CCDC152: variants seen among roughly 807,000 people sequenced by gnomAD.
CCDC152 encodes coiled-coil domain containing 152, also known as coiled-coil domain-containing protein 152.
A neutral mutation model predicts 38.1 loss-of-function variants in CCDC152; 37 were observed. The ratio of observed to expected loss-of-function variants is 0.97; its 90% CI spans 0.75 to 1.28. The LOEUF (loss-of-function observed/expected upper bound fraction) is 1.28, where lower values mean the gene tolerates loss of function less well. CCDC152 is among the 50% of genes most tolerant of loss of function. The probability of loss-of-function intolerance (pLI) is 0.00; values close to 1 mark genes in which losing one functional copy is unlikely to be tolerated. For synonymous variants in CCDC152, 83 were observed against 87.1 expected, an observed-to-expected ratio of 0.95 and a Z score of 0.26; for missense variants, 259 against 292.1, an observed-to-expected ratio of 0.89 and a Z score of 0.83.
Position 42,801,035 on chromosome 5 carries a change from A to T in CCDC152, c.*1254A>T, listed in dbSNP as rs775215021. On this transcript the variant is annotated 3_prime_UTR_variant, in exon 9 of 9. Coordinates refer to ENST00000361970, the MANE Select transcript of CCDC152 (RefSeq NM_001134848.2). ...GTAATTGATTTATACATCTCTTTCGACAGAGCTTCTTTTGTAAATCTTGTA... is the reference window on the plus strand; with the variant it reads ...GTAATTGATTTATACATCTCTTTCGTCAGAGCTTCTTTTGTAAATCTTGTA... 30 of 1,614,098 alleles carry T rather than the reference A, an allele frequency of 1.9e-5. 1 individual carries two copies. The highest frequency in any genetic ancestry group is 2.1e-5 in the Non-Finnish European group (25 of 1,180,040).
chr5:42,779,949 T>C (rs1187857215), intron 5 of CCDC152, among the ~76,000 whole-genome samples: 1 of 152,148 alleles, frequency 6.6e-6, no homozygotes, highest in Admixed American at 6.5e-5. Flanking sequence ...ACAGGGGGCA[T>C]TTCATGTGGA....
At chr5:42,789,979 A>T (rs1167909971) in intron 6 of CCDC152, among the ~76,000 whole-genome samples, 1 of 152,238 alleles carries the variant, frequency 6.6e-6, no homozygotes. Context: ...TCTAAATTGG[A>T]CTTCGTCAAA....
intron 6 of CCDC152, among the ~76,000 whole-genome samples, chr5:42,785,456 A>T: frequency 6.6e-6 from 1 of 152,112 alleles, no homozygotes; most frequent in East Asian, 1.9e-4. Context: ...TTGTATCCTG[A>T]AATTTTACTG....
At chr5:42,764,116 A>T (rs1430918365) in intron 3 of CCDC152, among the ~76,000 whole-genome samples, 1 of 152,130 alleles carries the variant, frequency 6.6e-6, no homozygotes, top group Non-Finnish European at 1.5e-5. Context: ...ATCCACTATT[A>T]TTAACTAAAT....
intron 6 of CCDC152, among the ~76,000 whole-genome samples, chr5:42,786,591 TG>T: frequency 6.6e-6 from 1 of 152,256 alleles, no homozygotes; most frequent in East Asian, 1.9e-4. Flanking sequence ...ACCCAGTTTT[TG>T]TCTCATTGAT....
At chr5:42,762,682 A>C in intron 3 of CCDC152, 134 bp downstream of exon 3, 2 of 627,952 alleles carry the variant, frequency 3.2e-6, no homozygotes, top group Non-Finnish European at 5.7e-6. Flanking sequence ...CATCTCATTT[A>C]TATCCTTACT....
intron 1 of CCDC152, among the ~76,000 whole-genome samples, chr5:42,758,012 C>A (rs1305898086): frequency 6.6e-6 from 1 of 152,130 alleles, no homozygotes; most frequent in African/African-American, 2.4e-5. Context: ...TTTACTGTAT[C>A]ATGGGAGGCT....
chr5:42,774,910 T>C (rs138166123), intron 4 of CCDC152, among the ~76,000 whole-genome samples: 89 of 152,108 alleles, frequency 5.9e-4, no homozygotes, highest in African/African-American at 2.1e-3. Flanking sequence ...AAGAATGCCT[T>C]TGTTGGACTC....
intron 4 of CCDC152, among the ~76,000 whole-genome samples, chr5:42,772,661 A>C (rs1432225943): frequency 6.6e-6 from 1 of 152,056 alleles, no homozygotes; most frequent in Non-Finnish European, 1.5e-5. Context: ...AAAAAAAAAA[A>C]AAAAATAGCC....
At position 42,779,531 on chromosome 5, in the gene CCDC152, A is replaced by G; in HGVS notation, c.327+9A>G. The stretch of plus-strand genomic sequence containing the variant: ...TAAAGTCTCATGAACAGGTGAGTTT[A>G]TGTATCATTCTATTCAGTCAAGTCC... On this transcript the variant is annotated intron_variant, in intron 5 of 8. Coordinates refer to ENST00000361970, the MANE Select transcript of CCDC152 (RefSeq NM_001134848.2). The G allele has an allele frequency of 7.0e-7, 1 of 1,435,090 alleles. No homozygotes were observed. Among genetic ancestry groups the G allele is most frequent in the South Asian group, 1.2e-5 (1 of 81,226 alleles). 88.9% of individuals were successfully genotyped at this position (1,435,090 alleles called of 1,614,324 possible).
At chr5:42,796,753 AAC>A in intron 6 of CCDC152, 74 bp from the exon 7 acceptor site, 1 of 1,000,978 alleles carries the variant, frequency 1.0e-6, no homozygotes, top group Non-Finnish European at 1.4e-6. Flanking sequence ...AATGATTTAA[AAC>A]ACTAAAGAAA....
At chr5:42,767,422 A>G (rs1579707423) in intron 3 of CCDC152, among the ~76,000 whole-genome samples, 2 of 152,262 alleles carry the variant, frequency 1.3e-5, no homozygotes, top group East Asian at 3.9e-4. Context: ...TTTTTGGTTA[A>G]TCTTAGAGCC....
chr5:42,764,679 G>A (rs949388185), intron 3 of CCDC152, among the ~76,000 whole-genome samples: 2 of 152,150 alleles, frequency 1.3e-5, no homozygotes, highest in Non-Finnish European at 2.9e-5. Context: ...AAAATTATAT[G>A]ACCATTTCAA....
intron 3 of CCDC152, 98 bp downstream of exon 3, chr5:42,762,646 A>G: frequency 1.4e-6 from 1 of 711,766 alleles, no homozygotes; most frequent in Non-Finnish European, 2.4e-6. Context: ...AAGTGTTTTA[A>G]GTCCACATAG....
chr5:42,780,677 A>G (rs1759833026), intron 5 of CCDC152, among the ~76,000 whole-genome samples: 1 of 152,198 alleles, frequency 6.6e-6, no homozygotes. Context: ...CCCAAAGCAA[A>G]CTATGACAAC....
At chr5:42,764,955 A>C (rs1217951918) in intron 3 of CCDC152, among the ~76,000 whole-genome samples, 1 of 152,232 alleles carries the variant, frequency 6.6e-6, no homozygotes, top group Non-Finnish European at 1.5e-5. Context: ...TATAAAGGGC[A>C]TCCAAATTGG....
chr5:42,797,807 C>T (rs1049603779), intron 7 of CCDC152, among the ~76,000 whole-genome samples: 11 of 151,588 alleles, frequency 7.3e-5, no homozygotes, highest in African/African-American at 2.4e-4. Flanking sequence ...TTTTAAGGGA[C>T]TTCTAATAGG....
chr5:42,776,773 T>A (rs544215286), intron 4 of CCDC152, among the ~76,000 whole-genome samples: 1 of 152,054 alleles, frequency 6.6e-6, no homozygotes, highest in Non-Finnish European at 1.5e-5. Context: ...AGATGAAAAA[T>A]CTCAAAATAT....
chr5:42,798,288 C>T lies in CCDC152; in HGVS notation c.559-1087C>T, dbSNP rs542646971. Among the ~76,000 whole-genome samples, 180 of 152,282 alleles carry T rather than the reference C, an allele frequency of 1.2e-3. 1 individual carries two copies. The highest frequency in any genetic ancestry group is 4.2e-3 in the African/African-American group (176 of 41,556). ...CCATCATTCTTCCGTTGCTTCCCCC[C>T]ACCCCAACTTTCATTTTACCTTGTA... is the stretch of plus-strand genomic sequence containing the variant. On this transcript the variant is annotated intron_variant, in intron 7 of 8. Coordinates refer to ENST00000361970, the MANE Select transcript of CCDC152 (RefSeq NM_001134848.2).
Sources: allele counts gnomAD v4.1 joint callset (sites outside exome capture counted in the v4.1 genomes callset), GRCh38; gene constraint gnomAD v4.1.1; transcripts MANE v1.5; gene names NCBI Gene and HGNC (gene_info 2026-07-23, HGNC 2026-07-21).